SH3RF3: variants seen among roughly 807,000 people sequenced by gnomAD.
SH3RF3 encodes the protein SH3 domain containing ring finger 3, also known as E3 ubiquitin-protein ligase SH3RF3.
SH3RF3 carries 29 observed loss-of-function variants against 66.3 expected under a neutral mutation model. That is an observed-to-expected ratio of 0.44 (90% CI 0.33 to 0.60). The LOEUF is 0.60. SH3RF3 is among the 20% of genes least tolerant of loss of function. SH3RF3 has a pLI of 0.04. For synonymous variants in SH3RF3, 583 were observed against 532.0 expected, an observed-to-expected ratio of 1.10 and a Z score of -1.32; for missense variants, 1,194 against 1,190.9, an observed-to-expected ratio of 1.00 and a Z score of -0.04.
chr2:109,477,613 G>GGTGT (rs71383845), intron 8 of SH3RF3, among the ~76,000 whole-genome samples: 4,817 of 149,396 alleles, frequency 0.032, 219 homozygotes, highest in African/African-American at 0.099. Context: ...GCCACAGATG[G>GGTGT]GTGTGTGTGT....
chr2:109,238,254 G>A (rs1338994097), intron 1 of SH3RF3, among the ~76,000 whole-genome samples: 1 of 152,038 alleles, frequency 6.6e-6, no homozygotes, highest in Non-Finnish European at 1.5e-5. Flanking sequence ...CAATAGAAAA[G>A]TGTTGGCTCT....
intron 1 of SH3RF3, among the ~76,000 whole-genome samples, chr2:109,342,237 CA>C (rs1182254729): frequency 3.3e-5 from 5 of 152,158 alleles, no homozygotes; most frequent in African/African-American, 9.7e-5. Flanking sequence ...CTGCTATTAG[CA>C]ATAGGATCTT....
chr2:109,438,924 A>G (rs1413821920), intron 7 of SH3RF3, among the ~76,000 whole-genome samples: 2 of 152,180 alleles, frequency 1.3e-5, no homozygotes, highest in East Asian at 3.9e-4. Context: ...GGTGTTCTGT[A>G]CAAATGTTTC....
chr2:109,418,209 C>T (rs1271851112), intron 4 of SH3RF3, among the ~76,000 whole-genome samples: 3 of 152,108 alleles, frequency 2.0e-5, no homozygotes, highest in East Asian at 3.9e-4. Flanking sequence ...CAGGCCTACA[C>T]GGGATCCTAG....
At chr2:109,145,198 C>A (rs1243860822) in intron 1 of SH3RF3, among the ~76,000 whole-genome samples, 1 of 152,200 alleles carries the variant, frequency 6.6e-6, no homozygotes, top group Non-Finnish European at 1.5e-5. Flanking sequence ...GCTTCTGAGA[C>A]AGAGCCGTGT....
chr2:109,145,793 C>T (rs751129480), intron 1 of SH3RF3, among the ~76,000 whole-genome samples: 10 of 152,186 alleles, frequency 6.6e-5, no homozygotes, highest in Admixed American at 1.3e-4. Flanking sequence ...TGTTGGTTGG[C>T]ATGGGGTCAG....
intron 1 of SH3RF3, among the ~76,000 whole-genome samples, chr2:109,146,525 C>CT (rs1231980955): frequency 2.0e-5 from 3 of 152,132 alleles, no homozygotes; most frequent in Non-Finnish European, 2.9e-5. Flanking sequence ...CTTCCTAGCA[C>CT]TTTCTTGTTT....
At chr2:109,463,532 C>T (rs531519244) in intron 8 of SH3RF3, among the ~76,000 whole-genome samples, 13 of 152,304 alleles carry the variant, frequency 8.5e-5, no homozygotes, top group African/African-American at 2.4e-4. Flanking sequence ...TGGTGAAAGG[C>T]GTGTCCTCTG....
chr2:109,412,302 G>A (rs1257613111), intron 4 of SH3RF3, among the ~76,000 whole-genome samples: 1 of 152,236 alleles, frequency 6.6e-6, no homozygotes, highest in Admixed American at 6.5e-5. Flanking sequence ...AGCAGCTCCA[G>A]GACATTGGGA....
At chr2:109,145,061 G>A (rs921910629) in intron 1 of SH3RF3, among the ~76,000 whole-genome samples, 1 of 152,234 alleles carries the variant, frequency 6.6e-6, no homozygotes, top group African/African-American at 2.4e-5. Flanking sequence ...CTCGTAAGCA[G>A]AGTGTTAAGG....
At chr2:109,326,224 A>C (rs1285856203) in intron 1 of SH3RF3, among the ~76,000 whole-genome samples, 1 of 152,214 alleles carries the variant, frequency 6.6e-6, no homozygotes, top group East Asian at 1.9e-4. Context: ...TCTTCCACCC[A>C]ACAAGGAATC....
Position 109,459,600 on chromosome 2 carries a change from T to C in SH3RF3, c.2148+10111T>C, listed in dbSNP as rs375342606. On this transcript the variant is annotated intron_variant, in intron 8 of 9. Coordinates refer to ENST00000309415, the MANE Select transcript of SH3RF3 (RefSeq NM_001099289.3). The stretch of plus-strand genomic sequence containing the variant: ...TGCCCATGTCCACTATGGAGTGCAG[T>C]CCAGTTTCCCACGGTGGTCAGGATC... Among the ~76,000 whole-genome samples the C allele has an allele frequency of 2.0e-5, 3 of 152,112 alleles. No individual in the cohort carries two copies. In the South Asian group the frequency reaches 6.2e-4, roughly 32 times the overall value.
intron 5 of SH3RF3, among the ~76,000 whole-genome samples, chr2:109,424,671 T>G (rs996972494): frequency 4.6e-5 from 7 of 152,230 alleles, no homozygotes; most frequent in African/African-American, 1.7e-4. Context: ...TGGAGTTGTT[T>G]TGGGCACCAT....
intron 1 of SH3RF3, among the ~76,000 whole-genome samples, chr2:109,137,619 G>T (rs1317239472): frequency 4.6e-5 from 7 of 152,202 alleles, no homozygotes; most frequent in Non-Finnish European, 5.9e-5. Context: ...ATACATTCAT[G>T]GGTGACTGCA....
intron 1 of SH3RF3, among the ~76,000 whole-genome samples, chr2:109,232,782 T>G (rs1679544188): frequency 6.6e-6 from 1 of 152,224 alleles, no homozygotes; most frequent in Admixed American, 6.5e-5. Flanking sequence ...AAGGGTCCCC[T>G]AAACACAGCT....
chr2:109,493,134 CCCACATACATCATACAAAACACATACA>C (rs1405184489), intron 9 of SH3RF3, among the ~76,000 whole-genome samples: 6 of 144,062 alleles, frequency 4.2e-5, no homozygotes, highest in African/African-American at 1.5e-4. Context: ...ACACACATAC[CCCACATACATCATACAAAACACATACA>C]CCACACATAC....
intron 1 of SH3RF3, among the ~76,000 whole-genome samples, chr2:109,170,802 C>T (rs1284468165): frequency 6.6e-6 from 1 of 152,196 alleles, no homozygotes; most frequent in African/African-American, 2.4e-5. Flanking sequence ...AAGCTGACAT[C>T]CAGGTGCACA....
chr2:109,493,175 A>G (rs914613975), intron 9 of SH3RF3, among the ~76,000 whole-genome samples: 39 of 151,840 alleles, frequency 2.6e-4, no homozygotes, highest in Admixed American at 3.3e-4. Context: ...CACATACGCC[A>G]TGCAAACACA....
intron 8 of SH3RF3, among the ~76,000 whole-genome samples, chr2:109,485,171 A>G (rs1317461858): frequency 1.3e-5 from 2 of 152,246 alleles, no homozygotes; most frequent in Admixed American, 6.5e-5. Context: ...TGCCCAACCA[A>G]TGCAAACTGA....
Sources: allele counts gnomAD v4.1 joint callset (sites outside exome capture counted in the v4.1 genomes callset), GRCh38; gene constraint gnomAD v4.1.1; transcripts MANE v1.5; gene names NCBI Gene and HGNC (gene_info 2026-07-23, HGNC 2026-07-21).